Variants in ATR observed in about 807,000 individuals in gnomAD.
ATR encodes the protein ATR checkpoint kinase, also known as serine/threonine-protein kinase ATR.
In ATR, 142 loss-of-function variants were observed where a neutral mutation model predicts 305.3. The observed-to-expected ratio is 0.47, with a 90% CI of 0.41 to 0.53. The LOEUF (loss-of-function observed/expected upper bound fraction) is 0.53, where lower values mean the gene tolerates loss of function less well. Ranked by LOEUF, ATR falls within the 20% of genes least tolerant of loss-of-function variation. The pLI, the probability that ATR is intolerant of heterozygous loss-of-function variation, is 0.00. For synonymous variants in ATR, 1,050 were observed against 1,068.1 expected (o/e 0.98, Z 0.33); for missense variants, 2,135 against 3,133.1 (o/e 0.68, Z 7.60).
intron 24 of ATR, 100 bp downstream of exon 24, chr3:142,519,569 G>A: frequency 2.2e-6 from 2 of 920,906 alleles, no homozygotes; most frequent in South Asian, 1.5e-5. Context: ...CAAAGTGCTG[G>A]GATTACAGGC....
chr3:142,575,792 T>C (rs77081474), intron 1 of ATR, among the ~76,000 whole-genome samples: 20,969 of 152,242 alleles, frequency 0.14, 1,492 homozygotes, highest in Non-Finnish European at 0.16. Flanking sequence ...ACAGCCTTGG[T>C]ATCCTGGAGA....
chr3:142,499,308 T>G, intron 31 of ATR: 1 of 301,688 alleles, frequency 3.3e-6, no homozygotes, highest in South Asian at 3.3e-5. Context: ...TTTTTTTTTT[T>G]CTTTGAGATG....
At chr3:142,478,349 C>A (rs2030076031) in intron 36 of ATR, among the ~76,000 whole-genome samples, 1 of 151,916 alleles carries the variant, frequency 6.6e-6, no homozygotes, top group Non-Finnish European at 1.5e-5. Flanking sequence ...CGTTATGTAC[C>A]CAGTAGTCAT....
At chr3:142,568,841 C>T (rs2035165782) in intron 1 of ATR, among the ~76,000 whole-genome samples, 1 of 152,254 alleles carries the variant, frequency 6.6e-6, no homozygotes, top group African/African-American at 2.4e-5. Context: ...CAGGACGGCA[C>T]TGACACACCA....
chr3:142,500,206 C>G (rs913524005), intron 30 of ATR: 1 of 154,020 alleles, frequency 6.5e-6, no homozygotes, highest in Non-Finnish European at 1.4e-5. Context: ...AGAACAATAC[C>G]AAGAGCAAAA....
intron 21 of ATR, among the ~76,000 whole-genome samples, chr3:142,532,209 A>G (rs2033681236): frequency 6.6e-6 from 1 of 152,186 alleles, no homozygotes; most frequent in South Asian, 2.1e-4. Flanking sequence ...GGAGCTGTAG[A>G]CTGGAGCTGT....
intron 36 of ATR, among the ~76,000 whole-genome samples, chr3:142,483,094 G>A (rs147181794): frequency 3.4e-5 from 5 of 147,294 alleles, no homozygotes; most frequent in South Asian, 2.1e-4. Context: ...CTGCCTTGAC[G>A]TCCCAGGTTC....
chr3:142,576,479 C>T (rs974809759), intron 1 of ATR, among the ~76,000 whole-genome samples: 1 of 152,160 alleles, frequency 6.6e-6, no homozygotes, highest in Admixed American at 6.5e-5. Context: ...ACTGAAAGCA[C>T]ATGTGAAAAT....
At chr3:142,499,987 G>A in intron 30 of ATR, 1 of 327,250 alleles carries the variant, frequency 3.1e-6, no homozygotes, top group Non-Finnish European at 5.7e-6. Context: ...CCATATATTA[G>A]AGCAGAGTTA....
chr3:142,554,525 G>C (rs953854874), intron 10 of ATR, among the ~76,000 whole-genome samples: 2 of 152,172 alleles, frequency 1.3e-5, no homozygotes, highest in East Asian at 1.9e-4. Context: ...ACTGCACTCA[G>C]CCTATAAATA....
chr3:142,525,810 T>C (rs955129103), intron 21 of ATR, among the ~76,000 whole-genome samples: 1 of 152,190 alleles, frequency 6.6e-6, no homozygotes, highest in African/African-American at 2.4e-5. Flanking sequence ...CCAACTCCCC[T>C]TCCCCTTTGG....
intron 21 of ATR, among the ~76,000 whole-genome samples, chr3:142,531,465 C>T (rs2033640313): frequency 6.6e-6 from 1 of 151,806 alleles, no homozygotes; most frequent in Admixed American, 6.6e-5. Flanking sequence ...TCCATGTGTT[C>T]TCATTGTTCA....
intron 42 of ATR, among the ~76,000 whole-genome samples, chr3:142,459,946 T>C (rs1272254966): frequency 1.3e-5 from 2 of 152,112 alleles, no homozygotes; most frequent in Non-Finnish European, 2.9e-5. Flanking sequence ...CATATATGTG[T>C]ACATATCAAT....
At chr3:142,481,923 A>T (rs999352011) in intron 36 of ATR, among the ~76,000 whole-genome samples, 10 of 151,964 alleles carry the variant, frequency 6.6e-5, no homozygotes, top group African/African-American at 1.9e-4. Context: ...CCTGGGCTCA[A>T]GCAATCCTCT....
At chr3:142,551,322 G>A (rs1266372067) in intron 13 of ATR, among the ~76,000 whole-genome samples, 1 of 152,114 alleles carries the variant, frequency 6.6e-6, no homozygotes, top group East Asian at 1.9e-4. Flanking sequence ...AGCTACTCAA[G>A]AGGCTAAAGT....
rs749262038 is a variant in ATR at position 142,549,496 on chromosome 3, C to G, written c.3154G>C (p.Ala1052Pro). 3 of 1,596,678 alleles carry G rather than the reference C, an allele frequency of 1.9e-6. No homozygotes were observed. The Admixed American group carries it at 5.1e-5, about 27-fold the overall frequency. ...TCAATTACCTTCAGATAATGAAGGG[C>G]ACGTTCTAATTCATCTTTGGAACAA... The part of the protein sequence containing the change: ...CSCSKDELER[A>P]LHYLKNETEI... Residue 1052 changes from alanine (A) to proline (P), a missense_variant, in exon 15 of 47, where the codon GCC (alanine) becomes CCC (proline). Coordinates refer to ENST00000350721, the MANE Select transcript of ATR (RefSeq NM_001184.4).
chr3:142,452,776 T>A, intron 46 of ATR: 4 of 1,103,762 alleles, frequency 3.6e-6, no homozygotes, highest in Non-Finnish European at 4.4e-6. Context: ...TTTGTTAACA[T>A]AGCTTGTGAC....
chr3:142,476,129 T>C (rs2108291728), intron 36 of ATR, among the ~76,000 whole-genome samples: 1 of 152,362 alleles, frequency 6.6e-6, no homozygotes, highest in East Asian at 1.9e-4. Flanking sequence ...TTGGCTTTTG[T>C]TGCCATTGCT....
At chr3:142,532,807 G>A (rs902185983) in intron 21 of ATR, among the ~76,000 whole-genome samples, 10 of 152,016 alleles carry the variant, frequency 6.6e-5, no homozygotes, top group Non-Finnish European at 1.5e-4. Context: ...TCTCCCTGTG[G>A]CTAAATTTTA....
Sources: gnomAD v4.1 joint callset for allele counts (sites outside exome capture counted in the v4.1 genomes callset) on GRCh38, gnomAD v4.1.1 for gene constraint, MANE v1.5 for transcripts, NCBI Gene and HGNC (gene_info 2026-07-23, HGNC 2026-07-21) for gene names.